The following PAM variants were observed in gnomAD, a reference collection of about 807,000 sequenced individuals.
PAM encodes the protein peptidyl-glycine alpha-amidating monooxygenase.
In PAM, 72 loss-of-function variants were observed where a neutral mutation model predicts 122.1. The observed-to-expected ratio is 0.59, with a 90% CI of 0.49 to 0.72. The LOEUF is 0.72. Among genes scored for constraint, PAM ranks in the 30% least tolerant of loss-of-function variants. The pLI, the probability that PAM is intolerant of heterozygous loss-of-function variation, is 0.00. For synonymous variants in PAM, 389 were observed against 404.4 expected (o/e 0.96, Z 0.46); for missense variants, 1,106 against 1,183.7 (o/e 0.93, Z 0.96).
chr5:102,894,261 A>G (rs946284621), intron 3 of PAM, among the ~76,000 whole-genome samples: 6 of 151,686 alleles, frequency 4.0e-5, no homozygotes, highest in African/African-American at 1.5e-4. Flanking sequence ...AGTTCTTTAA[A>G]ATATTAATAA....
intron 3 of PAM, among the ~76,000 whole-genome samples, chr5:102,872,823 A>G (rs1301131788): frequency 1.3e-5 from 2 of 152,196 alleles, no homozygotes; most frequent in African/African-American, 2.4e-5. Context: ...CGTTAGGTCT[A>G]TATATTTTTT....
Position 103,006,889 on chromosome 5 carries a change from G to T in PAM, c.1892G>T (p.Cys631Phe). ...CCAGGCAGTGACCAGAATCACTTCTGTCAACCCACTGATGTGGCTGTGGAT... is the reference window on the plus strand; with the variant it reads ...CCAGGCAGTGACCAGAATCACTTCTTTCAACCCACTGATGTGGCTGTGGAT... ...MQPGSDQNHFCQPTDVAVDPG... is the reference protein window; with the variant it reads ...MQPGSDQNHFFQPTDVAVDPG... Residue 631 changes from cysteine (C) to phenylalanine (F), a missense_variant, in exon 19 of 26, where the codon TGT becomes TTT. By Grantham distance (205) the Cys-to-Phe change is radical. Around this residue, in one of 3 missense-constraint regions of PAM, gnomAD observed 103 missense variants for 157.9 expected, o/e 0.65. Transcript: ENST00000438793. 6.2e-7 allele frequency: 1 copy of T among 1,613,934 alleles called. No individual in the cohort carries two copies. Among genetic ancestry groups the T allele is most frequent in the Non-Finnish European group, 8.5e-7 (1 of 1,179,844 alleles).
At chr5:102,958,173 C>A (rs1582171677) in intron 12 of PAM, among the ~76,000 whole-genome samples, 1 of 152,000 alleles carries the variant, frequency 6.6e-6, no homozygotes, top group East Asian at 1.9e-4. Context: ...TATTGGCATT[C>A]CCAAAAAGAG....
Position 103,029,203 on chromosome 5 carries a change from G to T in PAM, c.*138G>T. On this transcript the variant is annotated 3_prime_UTR_variant, in exon 26 of 26. Transcript: ENST00000438793. ...GGACTGTACACACTTTATTTACTTCGTTTTGGTTAAGTTGGCTTCTGTTTC... is the reference window on the plus strand; with the variant it reads ...GGACTGTACACACTTTATTTACTTCTTTTTGGTTAAGTTGGCTTCTGTTTC... 1.7e-6 allele frequency: 1 copy of T among 594,072 alleles called. No individual in the cohort carries two copies. Among genetic ancestry groups the T allele is most frequent in the Non-Finnish European group, 2.6e-6 (1 of 385,682 alleles). The allele number at this position is 594,072 out of a possible 1,614,324, so 36.8% of individuals were successfully genotyped here. A position where few individuals can be genotyped will look rare whatever the true frequency, so the allele number is the denominator to read the frequency against.
chr5:102,926,142 C>A (rs899509738), intron 6 of PAM, among the ~76,000 whole-genome samples: 1 of 151,738 alleles, frequency 6.6e-6, no homozygotes, highest in Admixed American at 6.6e-5. Flanking sequence ...GGCCGGACTG[C>A]GGACTGCAGT....
intron 3 of PAM, among the ~76,000 whole-genome samples, chr5:102,894,384 C>A (rs753495912): frequency 6.6e-6 from 1 of 151,438 alleles, no homozygotes; most frequent in African/African-American, 2.4e-5. Flanking sequence ...TGTCAACTAC[C>A]CTCTCCTTAA....
At chr5:102,792,461 T>C (rs1762284061) in intron 1 of PAM, among the ~76,000 whole-genome samples, 1 of 152,200 alleles carries the variant, frequency 6.6e-6, no homozygotes, top group Non-Finnish European at 1.5e-5. Context: ...TTTTTTCTTC[T>C]TTATCTATTT....
chr5:102,864,163 C>CAT (rs373189336), intron 1 of PAM, among the ~76,000 whole-genome samples: 3,045 of 140,532 alleles, frequency 0.022, 60 homozygotes, highest in South Asian at 0.11. Flanking sequence ...ATCCCTTCTT[C>CAT]ATATATATAT....
intron 1 of PAM, among the ~76,000 whole-genome samples, chr5:102,839,536 CAAAA>C (rs34092506): frequency 0.12 from 9,658 of 81,094 alleles, 478 homozygotes; most frequent in South Asian, 0.22. Flanking sequence ...GGCTCAGTCT[CAAAA>C]AAAAAAAAAA....
At chr5:103,001,425 ATC>A (rs1036389950) in intron 16 of PAM, among the ~76,000 whole-genome samples, 4 of 152,030 alleles carry the variant, frequency 2.6e-5, no homozygotes, top group South Asian at 4.1e-4. Context: ...ATCTTATGAA[ATC>A]TGTTTTGTTA....
chr5:102,797,547 A>AT (rs926348941), intron 1 of PAM, among the ~76,000 whole-genome samples: 1 of 152,116 alleles, frequency 6.6e-6, no homozygotes, highest in Non-Finnish European at 1.5e-5. Flanking sequence ...CAGGCAGAAT[A>AT]TTTTTTAAAG....
chr5:102,841,649 A>G (rs1778664663), intron 1 of PAM, among the ~76,000 whole-genome samples: 1 of 152,190 alleles, frequency 6.6e-6, no homozygotes, highest in Non-Finnish European at 1.5e-5. Flanking sequence ...ATAAATGAAG[A>G]GTTGCAAAAA....
chr5:102,778,385 C>T (rs1446796562), intron 1 of PAM, among the ~76,000 whole-genome samples: 1 of 152,050 alleles, frequency 6.6e-6, no homozygotes, highest in East Asian at 1.9e-4. Flanking sequence ...AAGGAGCATT[C>T]AATTAATGTT....
At chr5:102,785,342 C>A (rs1459179815) in intron 1 of PAM, among the ~76,000 whole-genome samples, 2 of 152,192 alleles carry the variant, frequency 1.3e-5, no homozygotes, top group Non-Finnish European at 2.9e-5. Context: ...GTTTGAGAAC[C>A]TCTGTTATAA....
intron 25 of PAM, 102 bp from the exon 26 acceptor site, chr5:103,028,785 C>T: frequency 1.4e-6 from 1 of 739,848 alleles, no homozygotes; most frequent in Non-Finnish European, 2.3e-6. Context: ...ATAATCTCCC[C>T]TTTCCCATCC....
intron 1 of PAM, among the ~76,000 whole-genome samples, chr5:102,758,382 C>A (rs1751276746): frequency 6.6e-6 from 1 of 152,112 alleles, no homozygotes; most frequent in African/African-American, 2.4e-5. Flanking sequence ...TTGTTCCATA[C>A]CTTTGTTTTT....
At chr5:102,975,240 C>T (rs887336634) in intron 15 of PAM, among the ~76,000 whole-genome samples, 4 of 152,172 alleles carry the variant, frequency 2.6e-5, no homozygotes, top group Non-Finnish European at 5.9e-5. Context: ...GATATGCGTG[C>T]ATGGCAGCTG....
intron 12 of PAM, among the ~76,000 whole-genome samples, chr5:102,954,007 A>G (rs1759864056): frequency 6.6e-6 from 1 of 152,064 alleles, no homozygotes; most frequent in African/African-American, 2.4e-5. Flanking sequence ...AGTAAATAAC[A>G]GGAGCAATGT....
chr5:102,812,860 ATTTC>A (rs1374080620), intron 1 of PAM, among the ~76,000 whole-genome samples: 4 of 152,094 alleles, frequency 2.6e-5, no homozygotes, highest in East Asian at 3.8e-4. Context: ...ACATTTAGTT[ATTTC>A]TTTATGTACA....
Sources: gnomAD v4.1 joint callset for allele counts (sites outside exome capture counted in the v4.1 genomes callset) on GRCh38, gnomAD v4.1.1 for gene constraint, gnomAD v4.1.1 regional missense constraint, MANE v1.5 for transcripts, NCBI Gene and HGNC (gene_info 2026-07-23, HGNC 2026-07-21) for gene names.